SHANK2: variants seen among roughly 807,000 people sequenced by gnomAD.
The protein encoded by SHANK2 is SH3 and multiple ankyrin repeat domains 2.
A neutral mutation model predicts 133.7 loss-of-function variants in SHANK2; 43 were observed. The ratio of observed to expected loss-of-function variants is 0.32; its 90% confidence interval spans 0.25 to 0.41. The LOEUF is 0.41. Among genes scored for constraint, SHANK2 ranks in the 10% least tolerant of loss-of-function variants. SHANK2 has a pLI of 1.00. For missense variants in SHANK2, 1,994 were observed against 2,235.8 expected, an observed-to-expected ratio of 0.89 and a Z score of 2.18; for synonymous variants, 1,017 against 952.8, an observed-to-expected ratio of 1.07 and a Z score of -1.24.
intron 10 of SHANK2, among the ~76,000 whole-genome samples, chr11:70,952,169 G>T (rs767711253): frequency 4.6e-5 from 7 of 152,170 alleles, no homozygotes; most frequent in Non-Finnish European, 8.8e-5. Context: ...CTGCAGACGG[G>T]AATGCTAGGC....
intron 17 of SHANK2, among the ~76,000 whole-genome samples, chr11:70,507,582 G>C (rs782056608): frequency 2.4e-4 from 37 of 152,272 alleles, no homozygotes; most frequent in Non-Finnish European, 4.4e-4. Flanking sequence ...ATGTCATGTG[G>C]GCGCTGGGGC....
chr11:70,619,644 A>G (rs1554997059), intron 17 of SHANK2, among the ~76,000 whole-genome samples: 1 of 152,204 alleles, frequency 6.6e-6, no homozygotes, highest in African/African-American at 2.4e-5. Context: ...TCAGCTGGCC[A>G]CTGGCAGGCA....
At chr11:70,511,340 T>C (rs2059202654) in intron 17 of SHANK2, among the ~76,000 whole-genome samples, 1 of 152,204 alleles carries the variant, frequency 6.6e-6, no homozygotes, top group African/African-American at 2.4e-5. Context: ...TAAACAAACC[T>C]AAAATCAGTT....
intron 14 of SHANK2, among the ~76,000 whole-genome samples, chr11:70,797,305 G>A (rs1171311684): frequency 2.0e-5 from 3 of 152,202 alleles, no homozygotes; most frequent in Non-Finnish European, 4.4e-5. Context: ...AGCCTTCCGA[G>A]TGGAGCACAT....
At position 71,126,216 on chromosome 11, in the gene SHANK2, C is replaced by CAAAAAAAAAA. The variant is rs1170621448; in HGVS notation, c.208-7194_208-7185dup. The stretch of plus-strand genomic sequence containing the variant: ...CTGGTGACAGAGTGAGACTCCGTCT[C>CAAAAAAAAAA]AAAAAAAAAAAAAAAAAAAAAAAAG... On this transcript the variant is annotated intron_variant, in intron 3 of 25. Coordinates refer to ENST00000601538, the MANE Select transcript of SHANK2 (RefSeq NM_012309.5). Among the ~76,000 whole-genome samples the CAAAAAAAAAA allele has an allele frequency of 9.5e-4, 61 of 64,422 alleles. 1 individual carries two copies. Among genetic ancestry groups the CAAAAAAAAAA allele is most frequent in the African/African-American group, 2.6e-3 (43 of 16,642 alleles). The allele number at this position is 64,422 out of a possible 152,430, so 42.3% of individuals were successfully genotyped here. A position where few individuals can be genotyped will look rare whatever the true frequency, so the allele number is the denominator to read the frequency against.
intron 17 of SHANK2, among the ~76,000 whole-genome samples, chr11:70,640,008 G>A (rs900019676): frequency 1.1e-4 from 17 of 152,340 alleles, no homozygotes; most frequent in Middle Eastern, 3.4e-3. Flanking sequence ...TGCCCAGGCC[G>A]TCCAGGGGCC....
At chr11:70,611,769 T>A (rs1487109151) in intron 17 of SHANK2, among the ~76,000 whole-genome samples, 1 of 152,136 alleles carries the variant, frequency 6.6e-6, no homozygotes, top group Non-Finnish European at 1.5e-5. Flanking sequence ...AGGAAGAATT[T>A]CTAGGTAGTC....
At chr11:71,073,136 C>CTTTTCTTTTTTTTT (rs1951164763) in intron 9 of SHANK2, among the ~76,000 whole-genome samples, 17 of 72,330 alleles carry the variant, frequency 2.4e-4, no homozygotes, top group Non-Finnish European at 5.2e-4. Context: ...TGTTTTTTTT[C>CTTTTCTTTTTTTTT]TTTTTCTTTT....
intron 6 of SHANK2, among the ~76,000 whole-genome samples, chr11:71,107,234 C>T (rs559908592): frequency 6.6e-6 from 1 of 152,294 alleles, no homozygotes; most frequent in Non-Finnish European, 1.5e-5. Context: ...GGGAAGTGTC[C>T]CGTAAGGAAG....
intron 9 of SHANK2, among the ~76,000 whole-genome samples, chr11:71,072,167 A>C (rs1029099967): frequency 6.6e-6 from 1 of 152,072 alleles, no homozygotes; most frequent in African/African-American, 2.4e-5. Flanking sequence ...CTCCTAAAGC[A>C]GTGCCTGCAC....
intron 14 of SHANK2, among the ~76,000 whole-genome samples, chr11:70,716,398 G>A (rs1380148780): frequency 1.3e-5 from 2 of 152,280 alleles, no homozygotes; most frequent in African/African-American, 2.4e-5. Flanking sequence ...TAAGGATGCC[G>A]GCAGCTGAGG....
chr11:70,720,779 T>G (rs373588152), intron 14 of SHANK2, among the ~76,000 whole-genome samples: 47 of 152,328 alleles, frequency 3.1e-4, no homozygotes, highest in African/African-American at 1.1e-3. Context: ...CACACCGGCA[T>G]GCACAATGCA....
intron 17 of SHANK2, among the ~76,000 whole-genome samples, chr11:70,646,633 G>C (rs1484653222): frequency 6.6e-6 from 1 of 152,156 alleles, no homozygotes; most frequent in East Asian, 1.9e-4. Context: ...CTCCAGGCTT[G>C]AGCCTAACAA....
At chr11:70,551,831 C>A (rs1413180447) in intron 17 of SHANK2, among the ~76,000 whole-genome samples, 2 of 152,206 alleles carry the variant, frequency 1.3e-5, no homozygotes, top group African/African-American at 4.8e-5. Context: ...CAGGCCTGGA[C>A]TCTGGGTTCT....
At chr11:70,787,494 C>G (rs1380940711) in intron 14 of SHANK2, among the ~76,000 whole-genome samples, 5 of 62,370 alleles carry the variant, frequency 8.0e-5, no homozygotes, top group African/African-American at 9.5e-5. Flanking sequence ...ACCACCACCA[C>G]CAGCATCACC....
At chr11:70,854,329 C>A (rs1287100360) in intron 11 of SHANK2, among the ~76,000 whole-genome samples, 1 of 152,174 alleles carries the variant, frequency 6.6e-6, no homozygotes, top group Non-Finnish European at 1.5e-5. Flanking sequence ...TCTAGTGAGT[C>A]CAGCAGAGAG....
At chr11:70,894,070 A>G (rs1309494275) in intron 11 of SHANK2, among the ~76,000 whole-genome samples, 1 of 152,260 alleles carries the variant, frequency 6.6e-6, no homozygotes, top group Non-Finnish European at 1.5e-5. Flanking sequence ...TGCATCATAA[A>G]TAAGAAAGGT....
chr11:71,250,042 T>C (rs2919724), intron 1 of SHANK2, among the ~76,000 whole-genome samples: 15,089 of 151,920 alleles, frequency 0.099, 2,137 homozygotes, highest in African/African-American at 0.32. Flanking sequence ...CTCACCCAAA[T>C]AGGAATACGG....
intron 17 of SHANK2, among the ~76,000 whole-genome samples, chr11:70,615,802 C>G (rs2060733145): frequency 1.3e-5 from 2 of 152,168 alleles, no homozygotes. Flanking sequence ...AGGAAGCCCA[C>G]CCACCCACAG....
Sources: gnomAD v4.1 joint callset for allele counts (sites outside exome capture counted in the v4.1 genomes callset) on GRCh38, gnomAD v4.1.1 for gene constraint, MANE v1.5 for transcripts, NCBI Gene and HGNC (gene_info 2026-07-23, HGNC 2026-07-21) for gene names.